PRKN: variants seen among roughly 807,000 people sequenced by gnomAD.
The protein encoded by PRKN is E3 ubiquitin-protein ligase parkin.
Under a neutral mutation model 59.5 loss-of-function variants are expected in PRKN, and 56 were observed. The ratio of observed to expected loss-of-function variants is 0.94; its 90% CI spans 0.76 to 1.18. PRKN has a LOEUF of 1.18. PRKN is among the 50% of genes most tolerant of loss of function. PRKN has a pLI of 0.00. For missense variants in PRKN, 657 were observed against 596.4 expected (o/e 1.10, Z -1.06); for synonymous variants, 250 against 222.1 (o/e 1.13, Z -1.12).
chr6:162,016,227 A>G (rs1436950435), intron 5 of PRKN, among the ~76,000 whole-genome samples: 1 of 152,204 alleles, frequency 6.6e-6, no homozygotes. Context: ...AGCCACATTA[A>G]TTATACATAT....
chr6:162,656,721 C>CCTGAAACAGCTTTA (rs958579536), intron 1 of PRKN, among the ~76,000 whole-genome samples: 5 of 152,184 alleles, frequency 3.3e-5, no homozygotes, highest in African/African-American at 4.8e-5. Context: ...CCAACACAAT[C>CCTGAAACAGCTTTA]CTGAAACAGC....
chr6:162,695,073 A>T (rs1777919355), intron 1 of PRKN: 1 of 152,210 alleles, frequency 6.6e-6, no homozygotes. Context: ...TGATCTGCAG[A>T]TAGAAATGAG....
chr6:161,603,335 G>C (rs528146459), intron 7 of PRKN, among the ~76,000 whole-genome samples: 1 of 152,260 alleles, frequency 6.6e-6, no homozygotes, highest in Admixed American at 6.5e-5. Context: ...AGTCAACTTG[G>C]AATTAGTTAT....
chr6:162,684,489 A>G (rs1211820398), intron 1 of PRKN, among the ~76,000 whole-genome samples: 2 of 152,176 alleles, frequency 1.3e-5, no homozygotes, highest in Non-Finnish European at 2.9e-5. Context: ...CTAATACAGC[A>G]TAAGTTGAAT....
rs147322661 is a variant in PRKN at position 161,797,646 on chromosome 6, G to A, written c.735-11738C>T. On this transcript the variant is annotated intron_variant, in intron 6 of 11. Transcript: ENST00000366898. Reference sequence around the variant, plus strand: ...AGTGGTTTGAAATGAGGAGTCTGCCGAAAAGATTGTAGACATCTTAAAACA... The same window carrying A: ...AGTGGTTTGAAATGAGGAGTCTGCCAAAAAGATTGTAGACATCTTAAAACA... 1.2e-3 allele frequency among the ~76,000 whole-genome samples: 180 copies of A among 152,254 alleles called. 1 individual carries two copies. The highest frequency in any genetic ancestry group is 0.01 in the Middle Eastern group (3 of 294).
intron 1 of PRKN, among the ~76,000 whole-genome samples, chr6:162,667,169 A>G (rs1462350765): frequency 6.6e-6 from 1 of 152,094 alleles, no homozygotes; most frequent in Non-Finnish European, 1.5e-5. Context: ...TAATTTAACA[A>G]TTCTTTCTAT....
intron 3 of PRKN, among the ~76,000 whole-genome samples, chr6:162,260,354 C>G (rs1343525978): frequency 2.6e-5 from 4 of 152,088 alleles, no homozygotes. Context: ...CTGTCATTTA[C>G]CACATTCCAT....
chr6:161,572,660 C>CAATAAATAAATA (rs10674600), intron 7 of PRKN, among the ~76,000 whole-genome samples: 6,481 of 149,856 alleles, frequency 0.043, 498 homozygotes, highest in African/African-American at 0.15. Context: ...GACTCTGTCT[C>CAATAAATAAATA]AATAAATAAA....
intron 7 of PRKN, among the ~76,000 whole-genome samples, chr6:161,571,417 A>G (rs991003712): frequency 6.6e-6 from 1 of 152,226 alleles, no homozygotes; most frequent in Non-Finnish European, 1.5e-5. Context: ...TTGTGATGTG[A>G]GAGTGGTCAG....
Position 161,405,915 on chromosome 6 carries a change from CT to C in PRKN, c.1084-19039del, listed in dbSNP as rs1448906913. Among the ~76,000 whole-genome samples the C allele has an allele frequency of 3.9e-5, 6 of 151,968 alleles. No individual in the cohort carries two copies. The highest frequency in any genetic ancestry group is 1.5e-4 in the African/African-American group (6 of 41,368). On this transcript the variant is annotated intron_variant, in intron 9 of 11. Coordinates refer to ENST00000366898, the MANE Select transcript of PRKN (RefSeq NM_004562.3). This position sits in a 1 kb window ranked among gnomAD's most constrained non-coding sequence, Gnocchi z 5.1. ...ATTTGGAAAATGATGCTTTTCTTTG[CT>C]GAAGAGGAATGTCAAGTTAATTTCA...
Position 161,995,879 on chromosome 6 carries a change from C to T in PRKN, c.619-22462G>A, listed in dbSNP as rs142393738. ...AAAACTAAAAGCACAAGGTGGCTTACGCCTGTAATCCCAGCACTTTGGGAG... is the reference window on the plus strand; with the variant it reads ...AAAACTAAAAGCACAAGGTGGCTTATGCCTGTAATCCCAGCACTTTGGGAG... On this transcript the variant is annotated intron_variant, in intron 5 of 11. Coordinates refer to ENST00000366898, the MANE Select transcript of PRKN (RefSeq NM_004562.3). Among the ~76,000 whole-genome samples the T allele has an allele frequency of 2.4e-3, 368 of 152,206 alleles. 4 individuals are homozygous for T. Among genetic ancestry groups the T allele is most frequent in the African/African-American group, 8.2e-3 (342 of 41,532 alleles).
chr6:161,824,603 T>C (rs9355360), intron 6 of PRKN, among the ~76,000 whole-genome samples: 38,788 of 152,140 alleles, frequency 0.25, 5,842 homozygotes, highest in East Asian at 0.42. Flanking sequence ...GGGCTCCAGA[T>C]GAAAATAGTA....
rs1786591358 is a variant in PRKN, at chr6:161,393,107, C to A, written c.1084-6230G>T. ...TGATCCCAACATCTCTTTGCTTGAG[C>A]TTTTTTGCATCTACAAAGAAGAAAT... On this transcript the variant is annotated intron_variant, in intron 9 of 11. Transcript: ENST00000366898. This position sits in a 1 kb window ranked among gnomAD's most constrained non-coding sequence, Gnocchi z 4.7. Among the ~76,000 whole-genome samples the A allele has an allele frequency of 6.6e-6, 1 of 152,032 alleles. No homozygotes were observed. The highest frequency in any genetic ancestry group is 1.5e-5 in the Non-Finnish European group (1 of 68,006).
In PRKN at chr6:162,225,633, C is replaced by T. The variant is rs1307289286; in HGVS notation, c.413-24381G>A. Among the ~76,000 whole-genome samples, 4 of 152,260 alleles carry T rather than the reference C, an allele frequency of 2.6e-5. No homozygotes were observed. The East Asian group carries it at 5.8e-4, about 22-fold the overall frequency. ...CACTATGCACCTTGGAGCTCCTCAT[C>T]TCTGCACCCTCCATGGAGCCAACTC... is the stretch of plus-strand genomic sequence containing the variant. On this transcript the variant is annotated intron_variant, in intron 3 of 11. Coordinates refer to ENST00000366898, the MANE Select transcript of PRKN (RefSeq NM_004562.3).
At position 162,613,916 on chromosome 6, in the gene PRKN, A is replaced by G. The variant is rs531617397; in HGVS notation, c.7+113746T>C. 2.0e-5 allele frequency among the ~76,000 whole-genome samples: 3 copies of G among 152,320 alleles called. No individual in the cohort carries two copies. In the South Asian group the frequency reaches 6.2e-4, roughly 32 times the overall value. On this transcript the variant is annotated intron_variant, in intron 1 of 11. Transcript: ENST00000366898. Reference sequence around the variant, plus strand: ...TCACTACCAAAAAGGTCAAGATCTTAAAAGAACAGGTACTGTTGCAATCAC... The same window carrying G: ...TCACTACCAAAAAGGTCAAGATCTTGAAAGAACAGGTACTGTTGCAATCAC...
At chr6:162,007,257 A>G (rs9347577) in intron 5 of PRKN, among the ~76,000 whole-genome samples, 120,508 of 152,060 alleles carry the variant, frequency 0.79, 48,540 homozygotes, top group African/African-American at 0.94. Flanking sequence ...ACAGTAAAAG[A>G]TGTCTCATAG....
intron 5 of PRKN, among the ~76,000 whole-genome samples, chr6:162,014,435 G>A (rs985009071): frequency 6.0e-4 from 92 of 152,274 alleles, no homozygotes; most frequent in African/African-American, 1.9e-3. Context: ...CCAGGAGGAG[G>A]GGAAACCTTG....
chr6:162,532,368 T>C (rs761265393), intron 1 of PRKN, among the ~76,000 whole-genome samples: 1 of 152,254 alleles, frequency 6.6e-6, no homozygotes, highest in Non-Finnish European at 1.5e-5. Context: ...ACACATCTCA[T>C]AGTGCACATC....
In PRKN at chr6:161,369,399, G is replaced by A. The variant is rs1304395364; in HGVS notation, c.1168-9194C>T. Among the ~76,000 whole-genome samples, 1 of 152,150 alleles carries A rather than the reference G, an allele frequency of 6.6e-6. No individual in the cohort carries two copies. The highest frequency in any genetic ancestry group is 1.5e-5 in the Non-Finnish European group (1 of 68,028). On this transcript the variant is annotated intron_variant, in intron 10 of 11. Coordinates refer to ENST00000366898, the MANE Select transcript of PRKN (RefSeq NM_004562.3). The surrounding 1 kb of genome is among the most constrained non-coding windows in gnomAD (Gnocchi z 5.8). ...TTTGGGAACCATTCATCCTCTGGAG[G>A]GCGATTCTCCCTTTGCGCCTGAAGA...
Sources: allele counts gnomAD v4.1 joint callset (sites outside exome capture counted in the v4.1 genomes callset), GRCh38; gene constraint gnomAD v4.1.1; non-coding constraint Gnocchi (gnomAD v3.1); transcripts MANE v1.5; gene names NCBI Gene and HGNC (gene_info 2026-07-23, HGNC 2026-07-21).